SQOR: variants seen among roughly 807,000 people sequenced by gnomAD.
The protein encoded by SQOR is sulfide quinone oxidoreductase, also known as sulfide:quinone oxidoreductase, mitochondrial.
In SQOR, 39 loss-of-function variants were observed where a neutral mutation model predicts 48.6. The ratio of observed to expected loss-of-function variants is 0.80; its 90% CI spans 0.62 to 1.05. The LOEUF is 1.05. Among genes scored for constraint, SQOR ranks in the 50% least tolerant of loss-of-function variants. The pLI is 0.00. For synonymous variants in SQOR, 220 were observed against 206.2 expected (o/e 1.07, Z -0.57); for missense variants, 561 against 559.9 (o/e 1.00, Z -0.02).
At chr15:45,677,360 A>G (rs1890056039) in intron 6 of SQOR, among the ~76,000 whole-genome samples, 1 of 152,204 alleles carries the variant, frequency 6.6e-6, no homozygotes, top group Admixed American at 6.5e-5. Flanking sequence ...GTGTTCTCTT[A>G]CATAACCACA....
rs531697093 is a variant in SQOR, at chr15:45,676,316, T to C, written c.864+6T>C. ...GAGAGACCCAAGTGATTTCAGTGAGTGGTGAGGCTAAGCTGTCAGCATGAA... is the reference window on the plus strand; with the variant it reads ...GAGAGACCCAAGTGATTTCAGTGAGCGGTGAGGCTAAGCTGTCAGCATGAA... On this transcript the variant is annotated splice_donor_region_variant and intron_variant, in intron 6 of 9. Coordinates refer to ENST00000260324, the MANE Select transcript of SQOR (RefSeq NM_021199.4). 1.7e-5 allele frequency: 28 copies of C among 1,613,532 alleles called. No individual in the cohort carries two copies. The South Asian group carries it at 3.1e-4, about 18-fold the overall frequency.
chr15:45,666,471 AAAT>A (rs1182072875), intron 3 of SQOR, among the ~76,000 whole-genome samples: 4 of 152,072 alleles, frequency 2.6e-5, no homozygotes, highest in Admixed American at 6.6e-5. Flanking sequence ...TTCATTTGTA[AAAT>A]AATAATAATA....
At chr15:45,650,955 G>C (rs1889472978) in intron 1 of SQOR, among the ~76,000 whole-genome samples, 2 of 152,228 alleles carry the variant, frequency 1.3e-5, no homozygotes, top group Non-Finnish European at 2.9e-5. Context: ...GCTTCACCTA[G>C]TGGATCCCGT....
chr15:45,655,423 A>G (rs1278704929), intron 1 of SQOR, among the ~76,000 whole-genome samples: 1 of 152,232 alleles, frequency 6.6e-6, no homozygotes, highest in African/African-American at 2.4e-5. Context: ...ATGACTGGGT[A>G]CACACCATAA....
At chr15:45,667,941 CTT>C (rs1204451548) in intron 3 of SQOR, among the ~76,000 whole-genome samples, 114 of 103,264 alleles carry the variant, frequency 1.1e-3, no homozygotes, top group African/African-American at 2.1e-3. Context: ...TTCTTTCTTT[CTT>C]TTTTTTTTTT....
At chr15:45,634,012 T>C (rs927876637), upstream of SQOR, among the ~76,000 whole-genome samples, 1 of 149,892 alleles carries the variant, frequency 6.7e-6, no homozygotes, top group African/African-American at 2.5e-5. Flanking sequence ...TCATCTCTAC[T>C]GAAACATACA....
At chr15:45,677,039 TAAAAA>T (rs200916577) in intron 6 of SQOR, among the ~76,000 whole-genome samples, 1 of 127,132 alleles carries the variant, frequency 7.9e-6, no homozygotes, top group Non-Finnish European at 1.7e-5. Context: ...AGACTCCGTC[TAAAAA>T]AAAAAAAAAA....
At chr15:45,682,224 C>T (rs778169325) in intron 6 of SQOR, among the ~76,000 whole-genome samples, 5 of 152,188 alleles carry the variant, frequency 3.3e-5, no homozygotes, top group African/African-American at 7.2e-5. Flanking sequence ...TGTACCCGTA[C>T]GTGTGTCCAC....
chr15:45,668,772 G>C (rs1039147999), intron 3 of SQOR, among the ~76,000 whole-genome samples: 8 of 152,100 alleles, frequency 5.3e-5, no homozygotes, highest in Non-Finnish European at 1.0e-4. Context: ...TTCTTTCTGG[G>C]CTCCTGAGTC....
chr15:45,687,059 C>T (rs1025622488), intron 7 of SQOR, among the ~76,000 whole-genome samples: 8 of 152,164 alleles, frequency 5.3e-5, no homozygotes, highest in African/African-American at 1.7e-4. Flanking sequence ...CTTGGTCCCC[C>T]AAAGTGCTGA....
At position 45,673,776 on chromosome 15, in the gene SQOR, A is replaced by G; in HGVS notation, c.629A>G (p.Tyr210Cys). 1.2e-6 allele frequency: 2 copies of G among 1,614,162 alleles called. No homozygotes were observed. Among genetic ancestry groups the G allele is most frequent in the Non-Finnish European group, 1.7e-6 (2 of 1,180,020 alleles). Residue 210 changes from tyrosine to cysteine, a missense_variant, in exon 5 of 10, where the codon TAC becomes TGC. Physicochemically the swap from Tyr to Cys is radical, Grantham distance 194. Transcript: ENST00000260324. Reference protein sequence around the residue: ...KCAGAPQKIMYLSEAYFRKTG... With the variant: ...KCAGAPQKIMCLSEAYFRKTG... ...GCTGGAGCCCCTCAGAAGATCATGT[A>G]CTTATCAGAAGCCTACTTCAGGAAG...
chr15:45,678,883 T>C (rs1335152272), intron 6 of SQOR, among the ~76,000 whole-genome samples: 1 of 152,184 alleles, frequency 6.6e-6, no homozygotes. Flanking sequence ...TGAGAGCTCA[T>C]ATGAGTGAAC....
chr15:45,672,786 A>G (rs941022964), intron 4 of SQOR, among the ~76,000 whole-genome samples: 1 of 152,222 alleles, frequency 6.6e-6, no homozygotes, highest in East Asian at 1.9e-4. Flanking sequence ...TGCCATGTGC[A>G]TGTGTCCTGT....
chr15:45,639,944 A>G (rs920685877), intron 1 of SQOR, among the ~76,000 whole-genome samples: 3 of 152,240 alleles, frequency 2.0e-5, no homozygotes, highest in Admixed American at 1.3e-4. Flanking sequence ...AATGGACTCA[A>G]AATGGTAAAT....
chr15:45,656,515 C>T (rs1447543080), intron 1 of SQOR, among the ~76,000 whole-genome samples: 1 of 151,666 alleles, frequency 6.6e-6, no homozygotes, highest in Admixed American at 6.6e-5. Context: ...TAGTCTCAAA[C>T]TCCTGGGCTC....
chr15:45,680,776 T>C (rs1319620938), intron 6 of SQOR, among the ~76,000 whole-genome samples: 1 of 152,164 alleles, frequency 6.6e-6, no homozygotes, highest in Non-Finnish European at 1.5e-5. Context: ...CAGGTAAAAC[T>C]CCATACCTTT....
At chr15:45,668,866 C>G (rs1395708376) in intron 3 of SQOR, among the ~76,000 whole-genome samples, 1 of 152,168 alleles carries the variant, frequency 6.6e-6, no homozygotes, top group Non-Finnish European at 1.5e-5. Flanking sequence ...TTGGCCTAAA[C>G]TTGTCTTCCT....
chr15:45,689,315 C>T, intron 9 of SQOR, 98 bp downstream of exon 9: 1 of 1,219,748 alleles, frequency 8.2e-7, no homozygotes, highest in Non-Finnish European at 1.2e-6. Flanking sequence ...TAGCAGTGAC[C>T]AAGTGTTCTG....
Position 45,691,089 on chromosome 15 carries a change from A to C in SQOR, c.*59A>C. On this transcript the variant is annotated 3_prime_UTR_variant, in exon 10 of 10. Transcript: ENST00000260324. ...TCTGGGCCAAAACTGCAGTCACTGAATGACCAAGAGCAGCACGAAGGACTT... is the reference window on the plus strand; with the variant it reads ...TCTGGGCCAAAACTGCAGTCACTGACTGACCAAGAGCAGCACGAAGGACTT... The C allele has an allele frequency of 1.4e-6, 2 of 1,448,438 alleles. No homozygotes were observed. The highest frequency in any genetic ancestry group is 2.3e-5 in the South Asian group (2 of 87,736). The allele number at this position is 1,448,438 out of a possible 1,614,324, so 89.7% of individuals were successfully genotyped here. A position where few individuals can be genotyped will look rare whatever the true frequency, so the allele number is the denominator to read the frequency against.
Sources: allele counts gnomAD v4.1 joint callset (sites outside exome capture counted in the v4.1 genomes callset), GRCh38; gene constraint gnomAD v4.1.1; transcripts MANE v1.5; gene names NCBI Gene and HGNC (gene_info 2026-07-23, HGNC 2026-07-21).